Variants in FHIT observed in about 807,000 individuals in gnomAD.
FHIT encodes the protein fragile histidine triad diadenosine triphosphatase, also known as bis(5'-adenosyl)-triphosphatase.
Under a neutral mutation model 17.9 loss-of-function variants are expected in FHIT, and 19 were observed. The ratio of observed to expected loss-of-function variants is 1.06; its 90% CI spans 0.74 to 1.56. The LOEUF (loss-of-function observed/expected upper bound fraction) is 1.56. Ranked by LOEUF, FHIT falls within the 40% of genes most tolerant of loss-of-function variation. The pLI is 0.00. For missense variants in FHIT, 248 were observed against 189.2 expected (o/e 1.31, Z -1.82); for synonymous variants, 81 against 69.7 (o/e 1.16, Z -0.81).
intron 5 of FHIT, among the ~76,000 whole-genome samples, chr3:60,310,477 C>T (rs915852185): frequency 1.3e-5 from 2 of 151,992 alleles, no homozygotes; most frequent in Admixed American, 6.6e-5. Context: ...TGATAAATTT[C>T]CCCCACCCTA....
chr3:60,480,624 G>A (rs778377677), intron 5 of FHIT, among the ~76,000 whole-genome samples: 4 of 152,164 alleles, frequency 2.6e-5, no homozygotes, highest in Non-Finnish European at 4.4e-5. Context: ...AGGGGACACA[G>A]GTCCCATGCA....
At chr3:61,084,166 G>C (rs977377189) in intron 2 of FHIT, among the ~76,000 whole-genome samples, 1 of 152,156 alleles carries the variant, frequency 6.6e-6, no homozygotes, top group Non-Finnish European at 1.5e-5. Flanking sequence ...TTAATGAAAA[G>C]ATCGCCCTTT....
intron 4 of FHIT, among the ~76,000 whole-genome samples, chr3:60,640,891 A>C (rs1336949778): frequency 1.3e-5 from 2 of 152,210 alleles, no homozygotes; most frequent in Non-Finnish European, 2.9e-5. Context: ...CAAAAAAGAA[A>C]CACACAGGCC....
chr3:60,660,729 C>CTTTTTTTTTTTTTTTTCTTTTTTTTTT (rs2040223892), intron 4 of FHIT, among the ~76,000 whole-genome samples: 1 of 37,278 alleles, frequency 2.7e-5, no homozygotes, highest in Non-Finnish European at 5.5e-5. Flanking sequence ...TTATTGTGCT[C>CTTTTTTTTTTTTTTTTCTTTTTTTTTT]TTTTTTTTTT....
chr3:59,913,204 C>T (rs976227196), intron 8 of FHIT, among the ~76,000 whole-genome samples: 57 of 151,746 alleles, frequency 3.8e-4, no homozygotes, highest in African/African-American at 1.2e-3. Flanking sequence ...TGTTGTGTGT[C>T]GTGTGTGGGT....
chr3:60,493,706 A>G (rs2034165081), intron 5 of FHIT, among the ~76,000 whole-genome samples: 1 of 152,192 alleles, frequency 6.6e-6, no homozygotes, highest in East Asian at 1.9e-4. Context: ...TTGCAAATTG[A>G]AACAATGTTG....
chr3:60,429,395 T>A (rs751883063), intron 5 of FHIT, among the ~76,000 whole-genome samples: 1 of 151,892 alleles, frequency 6.6e-6, no homozygotes, highest in Non-Finnish European at 1.5e-5. Flanking sequence ...AAGAGCTAAA[T>A]ATGGAGACAA....
At chr3:61,142,725 A>G (rs1427077795) in intron 2 of FHIT, among the ~76,000 whole-genome samples, 1 of 152,216 alleles carries the variant, frequency 6.6e-6, no homozygotes, top group Non-Finnish European at 1.5e-5. Flanking sequence ...TTTCATTAGG[A>G]CCTCTTAAGC....
intron 7 of FHIT, among the ~76,000 whole-genome samples, chr3:60,003,936 T>A (rs1013977302): frequency 6.6e-6 from 1 of 151,852 alleles, no homozygotes; most frequent in Non-Finnish European, 1.5e-5. Context: ...ATTTTGAAAT[T>A]AGAATGAGCT....
At chr3:61,232,606 T>A (rs1313444520) in intron 1 of FHIT, among the ~76,000 whole-genome samples, 1 of 152,176 alleles carries the variant, frequency 6.6e-6, no homozygotes, top group Non-Finnish European at 1.5e-5. Context: ...AAACATACCT[T>A]TGAAATTCTC....
chr3:60,158,382 G>A (rs1700798170), intron 5 of FHIT, among the ~76,000 whole-genome samples: 1 of 151,400 alleles, frequency 6.6e-6, no homozygotes, highest in Non-Finnish European at 1.5e-5. Flanking sequence ...CGCAATCTCT[G>A]TGCACTGCAA....
chr3:60,593,135 T>C (rs782708430), intron 4 of FHIT, among the ~76,000 whole-genome samples: 3 of 152,156 alleles, frequency 2.0e-5, no homozygotes, highest in Non-Finnish European at 4.4e-5. Context: ...CACTTTCATT[T>C]TGACTAGAAC....
intron 8 of FHIT, among the ~76,000 whole-genome samples, chr3:59,890,647 G>T (rs1703815617): frequency 6.6e-6 from 1 of 152,062 alleles, no homozygotes; most frequent in African/African-American, 2.4e-5. Context: ...TCTTAAATCA[G>T]CGTTTCCCAA....
At chr3:60,573,829 A>G (rs2037471862) in intron 4 of FHIT, among the ~76,000 whole-genome samples, 1 of 151,404 alleles carries the variant, frequency 6.6e-6, no homozygotes, top group African/African-American at 2.4e-5. Context: ...TTATTTTTCG[A>G]GATGGAGTCT....
intron 5 of FHIT, among the ~76,000 whole-genome samples, chr3:60,510,926 G>A (rs1278906643): frequency 6.6e-6 from 1 of 152,158 alleles, no homozygotes; most frequent in Admixed American, 6.5e-5. Flanking sequence ...AACCTCGGAG[G>A]TCTTACATCT....
chr3:60,799,540 C>T (rs564919073), intron 4 of FHIT, among the ~76,000 whole-genome samples: 1 of 152,326 alleles, frequency 6.6e-6, no homozygotes, highest in Admixed American at 6.5e-5. Flanking sequence ...CCAACTTTAT[C>T]TTGTGCACTT....
At chr3:61,081,662 C>T (rs1348739627) in intron 2 of FHIT, among the ~76,000 whole-genome samples, 3 of 152,148 alleles carry the variant, frequency 2.0e-5, no homozygotes, top group Admixed American at 1.3e-4. Flanking sequence ...CATCATGTGA[C>T]GTTCTCCCCT....
At chr3:61,035,461 T>C (rs1383354501) in intron 3 of FHIT, among the ~76,000 whole-genome samples, 1 of 152,180 alleles carries the variant, frequency 6.6e-6, no homozygotes, top group African/African-American at 2.4e-5. Context: ...CTACCCAAAA[T>C]TTACTTTGCA....
intron 6 of FHIT, 70 bp from the exon 7 acceptor site, chr3:60,011,470 A>C (rs1490959234): frequency 3.2e-6 from 4 of 1,266,026 alleles, no homozygotes; most frequent in Admixed American, 1.7e-5. Flanking sequence ...CAGAAATATC[A>C]CCCATTAATA....
Sources: allele counts gnomAD v4.1 joint callset (sites outside exome capture counted in the v4.1 genomes callset), GRCh38; gene constraint gnomAD v4.1.1; transcripts MANE v1.5; gene names NCBI Gene and HGNC (gene_info 2026-07-23, HGNC 2026-07-21).